The following CSRNP3 variants were observed in gnomAD, a reference collection of about 807,000 sequenced individuals.
CSRNP3 encodes cysteine/serine-rich nuclear protein 3.
In CSRNP3, 12 loss-of-function variants were observed where a neutral mutation model predicts 48.0. The observed-to-expected ratio is 0.25, with a 90% CI of 0.16 to 0.41. CSRNP3 has a LOEUF of 0.41. Among genes scored for constraint, CSRNP3 ranks in the 10% least tolerant of loss-of-function variants. The pLI is 1.00. For missense variants in CSRNP3, 580 were observed against 724.4 expected (o/e 0.80, Z 2.29); for synonymous variants, 263 against 269.7 (o/e 0.98, Z 0.24).
intron 4 of CSRNP3, 139 bp from the exon 5 acceptor site, chr2:165,657,622 T>G (rs1266181599): frequency 1.1e-6 from 1 of 925,058 alleles, no homozygotes; most frequent in Admixed American, 2.5e-5. Flanking sequence ...ATGCCAACTC[T>G]GGGATATAAC....
At chr2:165,552,943 C>T (rs1282808070) in intron 3 of CSRNP3, among the ~76,000 whole-genome samples, 3 of 152,118 alleles carry the variant, frequency 2.0e-5, no homozygotes. Flanking sequence ...ATATGCCTAC[C>T]TCGGCCTCCC....
Position 165,639,181 on chromosome 2 carries a change from C to G in CSRNP3, c.149-18580C>G, listed in dbSNP as rs142168218. On this transcript the variant is annotated intron_variant, in intron 4 of 6. Transcript: ENST00000651982. Reference sequence around the variant, plus strand: ...TTAGGAATAGTAGACAGCACTGGTACTTGGGGGCCTTTTCAAACAGGAAAA... The same window carrying G: ...TTAGGAATAGTAGACAGCACTGGTAGTTGGGGGCCTTTTCAAACAGGAAAA... 3.9e-5 allele frequency among the ~76,000 whole-genome samples: 6 copies of G among 152,286 alleles called. No individual in the cohort carries two copies. In the East Asian group the frequency reaches 1.2e-3, roughly 29 times the overall value.
At chr2:165,534,844 T>C (rs1684861359) in intron 3 of CSRNP3, among the ~76,000 whole-genome samples, 1 of 151,748 alleles carries the variant, frequency 6.6e-6, no homozygotes, top group Admixed American at 6.6e-5. Flanking sequence ...ATAGAAGTTG[T>C]CCTTGATTGG....
chr2:165,634,456 A>T (rs776279608), intron 4 of CSRNP3, among the ~76,000 whole-genome samples: 2 of 152,272 alleles, frequency 1.3e-5, no homozygotes, highest in Non-Finnish European at 2.9e-5. Context: ...ATACAGTTGT[A>T]AATAAGACCG....
At chr2:165,678,642 T>G (rs1204970008) in intron 6 of CSRNP3, 59 bp from the exon 7 acceptor site, 5 of 1,547,112 alleles carry the variant, frequency 3.2e-6, no homozygotes, top group Non-Finnish European at 4.4e-6. Context: ...TGAAAAGTTC[T>G]GGGCGTTTAT....
chr2:165,492,585 G>A (rs2105458802), intron 1 of CSRNP3, among the ~76,000 whole-genome samples: 1 of 151,802 alleles, frequency 6.6e-6, no homozygotes, highest in Non-Finnish European at 1.5e-5. Flanking sequence ...CAACCCTATA[G>A]TCACCATATC....
rs578019749 is a variant in CSRNP3 at position 165,626,216 on chromosome 2, C to T, written c.148+31003C>T. On this transcript the variant is annotated intron_variant, in intron 4 of 6. Transcript: ENST00000651982. ...CCAACCTGGGCAAAAGAGTGAAACT[C>T]CTTCTCAGAAAAAAAAAAAAGAGAA... 2.0e-5 allele frequency among the ~76,000 whole-genome samples: 3 copies of T among 150,940 alleles called. No individual in the cohort carries two copies. In the South Asian group the frequency reaches 6.3e-4, roughly 32 times the overall value.
At chr2:165,483,177 A>G (rs1684070958) in intron 1 of CSRNP3, among the ~76,000 whole-genome samples, 1 of 152,030 alleles carries the variant, frequency 6.6e-6, no homozygotes, top group African/African-American at 2.4e-5. Flanking sequence ...CTTTTCCATA[A>G]TCATAAAATC....
At chr2:165,552,120 T>A (rs765812707) in intron 3 of CSRNP3, among the ~76,000 whole-genome samples, 1 of 152,340 alleles carries the variant, frequency 6.6e-6, no homozygotes, top group Non-Finnish European at 1.5e-5. Context: ...TGGATTACAT[T>A]TCTCTCTCCA....
intron 5 of CSRNP3, among the ~76,000 whole-genome samples, chr2:165,664,659 G>T (rs1384804813): frequency 6.6e-6 from 1 of 152,118 alleles, no homozygotes; most frequent in Admixed American, 6.6e-5. Flanking sequence ...CCTTCCTCTG[G>T]ATACAGGGCT....
intron 2 of CSRNP3, among the ~76,000 whole-genome samples, chr2:165,516,801 T>G (rs1328573149): frequency 2.6e-5 from 4 of 152,128 alleles, no homozygotes; most frequent in African/African-American, 9.6e-5. Context: ...CAATTCTTTA[T>G]CTCAGCATAT....
At chr2:165,508,678 CA>C (rs1463725880) in intron 2 of CSRNP3, among the ~76,000 whole-genome samples, 8 of 151,900 alleles carry the variant, frequency 5.3e-5, no homozygotes, top group African/African-American at 1.9e-4. Flanking sequence ...GGTTTTCTGT[CA>C]AAAAAACAGA....
intron 3 of CSRNP3, among the ~76,000 whole-genome samples, chr2:165,553,695 C>A (rs756328063): frequency 1.1e-4 from 16 of 152,130 alleles, no homozygotes; most frequent in Non-Finnish European, 2.4e-4. Flanking sequence ...AAAATTTCTA[C>A]CTTCCATTTG....
intron 4 of CSRNP3, among the ~76,000 whole-genome samples, chr2:165,621,409 G>A (rs1182176966): frequency 6.6e-6 from 1 of 151,780 alleles, no homozygotes; most frequent in East Asian, 1.9e-4. Context: ...AGAATGGAAG[G>A]TACAGAACAA....
chr2:165,560,505 C>T (rs1009766327), intron 3 of CSRNP3, among the ~76,000 whole-genome samples: 2 of 152,126 alleles, frequency 1.3e-5, no homozygotes, highest in Non-Finnish European at 2.9e-5. Flanking sequence ...TGTAGCTAAC[C>T]CAAGCTTTAC....
intron 4 of CSRNP3, among the ~76,000 whole-genome samples, chr2:165,605,006 A>G (rs528705569): frequency 2.6e-4 from 39 of 152,168 alleles, no homozygotes; most frequent in African/African-American, 9.4e-4. Flanking sequence ...CTGTCTACTT[A>G]TCTCCATTTG....
intron 4 of CSRNP3, among the ~76,000 whole-genome samples, chr2:165,602,405 T>A (rs1402478806): frequency 6.6e-6 from 1 of 152,188 alleles, no homozygotes; most frequent in African/African-American, 2.4e-5. Context: ...TAGCTTTGGC[T>A]TGGGGTACAC....
chr2:165,559,892 T>C (rs939100400), intron 3 of CSRNP3, among the ~76,000 whole-genome samples: 40 of 143,454 alleles, frequency 2.8e-4, no homozygotes, highest in Middle Eastern at 3.8e-3. Context: ...CTCTGCCTCC[T>C]GGGTTCATGC....
At chr2:165,481,576 A>G (rs1187715761) in intron 1 of CSRNP3, among the ~76,000 whole-genome samples, 1 of 152,136 alleles carries the variant, frequency 6.6e-6, no homozygotes, top group Non-Finnish European at 1.5e-5. Flanking sequence ...TTCGTACCTC[A>G]AAGTAGAAAC....
Sources: allele counts gnomAD v4.1 joint callset (sites outside exome capture counted in the v4.1 genomes callset), GRCh38; gene constraint gnomAD v4.1.1; transcripts MANE v1.5; gene names NCBI Gene and HGNC (gene_info 2026-07-23, HGNC 2026-07-21).